WWC1: variants seen among roughly 807,000 people sequenced by gnomAD.
WWC1 encodes the protein protein KIBRA.
In WWC1, 55 loss-of-function variants were observed where a neutral mutation model predicts 138.4. That is an observed-to-expected ratio of 0.40 (90% CI 0.32 to 0.50). The LOEUF (loss-of-function observed/expected upper bound fraction) is 0.50. Among genes scored for constraint, WWC1 ranks in the 20% least tolerant of loss-of-function variants. The probability of loss-of-function intolerance (pLI) is 0.72; values close to 1 mark genes in which losing one functional copy is unlikely to be tolerated. For synonymous variants in WWC1, 524 were observed against 564.9 expected (o/e 0.93, Z 1.03); for missense variants, 1,226 against 1,420.4 (o/e 0.86, Z 2.20).
rs1371053531 is a variant in WWC1 at position 168,292,066 on chromosome 5, G to A, written c.-87G>A. 1 of 1,374,574 alleles carries A rather than the reference G, an allele frequency of 7.3e-7. No homozygotes were observed. The highest frequency in any genetic ancestry group is 9.4e-7 in the Non-Finnish European group (1 of 1,067,260). 85.1% of individuals were successfully genotyped at this position (1,374,574 alleles called of 1,614,324 possible). A position where few individuals can be genotyped will look rare whatever the true frequency, so the allele number is the denominator to read the frequency against. ...CCCGGATCATGGTGCCTCGGCGGCC[G>A]CCCGGGCTAAGAGCGGCCGGCTGGA... is the stretch of plus-strand genomic sequence containing the variant. On this transcript the variant is annotated 5_prime_UTR_variant, in exon 1 of 23. Transcript: ENST00000265293. This position sits in a 1 kb window ranked among gnomAD's most constrained non-coding sequence, Gnocchi z 4.4.
rs553790278 is a variant in WWC1, at chr5:168,303,486, A to G, written c.119+11215A>G. ...GAGCTGGGCATGGTGGTCCACACCT[A>G]TAGTCCCAACTACACCAGAGGCTAA... On this transcript the variant is annotated intron_variant, in intron 1 of 22. Coordinates refer to ENST00000265293, the MANE Select transcript of WWC1 (RefSeq NM_015238.3). 2.0e-5 allele frequency among the ~76,000 whole-genome samples: 3 copies of G among 152,188 alleles called. No homozygotes were observed. In the South Asian group the frequency reaches 6.2e-4, roughly 32 times the overall value.
intron 1 of WWC1, among the ~76,000 whole-genome samples, chr5:168,335,475 A>G (rs1320147301): frequency 6.7e-6 from 1 of 149,022 alleles, no homozygotes; most frequent in Non-Finnish European, 1.5e-5. Context: ...AAGAAAGAAC[A>G]TCTAGAATTT....
intron 20 of WWC1, 21 bp from the exon 21 acceptor site, chr5:168,464,708 A>C (rs367635097): frequency 1.2e-6 from 2 of 1,613,852 alleles, no homozygotes; most frequent in Non-Finnish European, 1.7e-6. Context: ...ATAACAAGAG[A>C]AGCCGTCCCC....
chr5:168,293,099 G>C (rs1769213161), intron 1 of WWC1, among the ~76,000 whole-genome samples: 1 of 152,238 alleles, frequency 6.6e-6, no homozygotes, highest in Admixed American at 6.5e-5. Context: ...GCTGTAGGTT[G>C]AGATAATGTG....
chr5:168,397,134 A>G (rs1778962719), intron 3 of WWC1, among the ~76,000 whole-genome samples: 1 of 151,886 alleles, frequency 6.6e-6, no homozygotes, highest in African/African-American at 2.4e-5. Context: ...ATATTTTCCA[A>G]ATTTAAATTA....
At chr5:168,400,842 A>G (rs1459355599) in intron 5 of WWC1, among the ~76,000 whole-genome samples, 2 of 119,110 alleles carry the variant, frequency 1.7e-5, no homozygotes, top group African/African-American at 6.6e-5. Flanking sequence ...GAGAGAGAGA[A>G]GGGGAGGGGA....
At position 168,431,461 on chromosome 5, in the gene WWC1, G is replaced by T. The variant is rs1210143204; in HGVS notation, c.2280+17G>T. ...GAGTGCCTGGTAAGGGCCGTGTCTG[G>T]CTGGCTGGCTGGCTGGCTGGCTGGC... On this transcript the variant is annotated intron_variant, in intron 15 of 22. Coordinates refer to ENST00000265293, the MANE Select transcript of WWC1 (RefSeq NM_015238.3). The T allele has an allele frequency of 1.3e-4, 3 of 22,494 alleles. No individual in the cohort carries two copies. The highest frequency in any genetic ancestry group is 1.5e-4 in the Non-Finnish European group (3 of 19,942). The allele number at this position is 22,494 out of a possible 1,614,324, so 1.4% of individuals were successfully genotyped here.
chr5:168,388,151 G>C (rs1418488232), intron 3 of WWC1, among the ~76,000 whole-genome samples: 1 of 152,138 alleles, frequency 6.6e-6, no homozygotes, highest in Non-Finnish European at 1.5e-5. Flanking sequence ...ATGAGACCAG[G>C]TGATATCAAT....
At chr5:168,422,784 G>A in intron 10 of WWC1, among the ~76,000 whole-genome samples, 1 of 152,144 alleles carries the variant, frequency 6.6e-6, no homozygotes, top group East Asian at 1.9e-4. Flanking sequence ...TGTAGTAAGT[G>A]ATACTGCTTT....
chr5:168,397,099 A>C (rs1263001246), intron 3 of WWC1, among the ~76,000 whole-genome samples: 2 of 151,872 alleles, frequency 1.3e-5, no homozygotes, highest in Admixed American at 6.6e-5. Context: ...CTTAAAATGC[A>C]TATGTGTGTG....
rs1328323778 is a variant in WWC1, at chr5:168,442,403, G to A, written c.2433+569G>A. Reference sequence around the variant, plus strand: ...GGATCTCTTGAGGCCAGGAATTCAAGACAAGCCTGGGCAACATGGTGAGGC... The same window carrying A: ...GGATCTCTTGAGGCCAGGAATTCAAAACAAGCCTGGGCAACATGGTGAGGC... On this transcript the variant is annotated intron_variant, in intron 16 of 22. Transcript: ENST00000265293. 7.2e-5 allele frequency among the ~76,000 whole-genome samples: 8 copies of A among 111,452 alleles called. No homozygotes were observed. In the Admixed American group the frequency reaches 9.8e-4, roughly 14 times the overall value. 73.1% of individuals were successfully genotyped at this position (111,452 alleles called of 152,430 possible). A position where few individuals can be genotyped will look rare whatever the true frequency, so the allele number is the denominator to read the frequency against.
At chr5:168,455,219 T>C (rs769609119) in intron 18 of WWC1, 137 bp from the exon 19 acceptor site, 59 of 1,123,390 alleles carry the variant, frequency 5.3e-5, no homozygotes, top group East Asian at 1.0e-4. Flanking sequence ...CTAGCAGGGC[T>C]AATGCCAAGG....
Position 168,408,552 on chromosome 5 carries a change from C to T in WWC1, c.766C>T (p.His256Tyr). Residue 256 changes from histidine to tyrosine, a missense_variant, in exon 7 of 23, where the codon CAC becomes TAC. Around this residue, in one of 3 missense-constraint regions of WWC1, gnomAD observed 1,016 missense variants for 1,153.9 expected, o/e 0.88. Coordinates refer to ENST00000265293, the MANE Select transcript of WWC1 (RefSeq NM_015238.3). ...KDGFRTDRGSHSDLWSSSSSL... is the reference protein window; with the variant it reads ...KDGFRTDRGSYSDLWSSSSSL... ...CGGCTTCCGCACTGACAGGGGGTCTCACTCAGACCTGTGGTCCAGCAGCAG... is the reference window on the plus strand; with the variant it reads ...CGGCTTCCGCACTGACAGGGGGTCTTACTCAGACCTGTGGTCCAGCAGCAG... 2 of 1,614,216 alleles carry T rather than the reference C, an allele frequency of 1.2e-6. No individual in the cohort carries two copies. The highest frequency in any genetic ancestry group is 1.7e-6 in the Non-Finnish European group (2 of 1,180,036).
chr5:168,409,464 C>G (rs1780059168), intron 7 of WWC1, among the ~76,000 whole-genome samples: 1 of 152,196 alleles, frequency 6.6e-6, no homozygotes, highest in South Asian at 2.1e-4. Flanking sequence ...GAACTGTACC[C>G]CTCTTTGTGA....
At chr5:168,359,020 T>G (rs6555803) in intron 1 of WWC1, among the ~76,000 whole-genome samples, 113,847 of 150,822 alleles carry the variant, frequency 0.75, 43,178 homozygotes, top group East Asian at 0.89. Flanking sequence ...TTTGTTGTTG[T>G]TGGTGGTGGT....
At chr5:168,356,027 C>G (rs546524973) in intron 1 of WWC1, among the ~76,000 whole-genome samples, 1 of 152,106 alleles carries the variant, frequency 6.6e-6, no homozygotes, top group East Asian at 1.9e-4. Context: ...CTGGAAAGCC[C>G]CAGGTGAAGG....
At chr5:168,349,746 A>C (rs1774783456) in intron 1 of WWC1, among the ~76,000 whole-genome samples, 1 of 152,004 alleles carries the variant, frequency 6.6e-6, no homozygotes, top group South Asian at 2.1e-4. Context: ...TGGGGCTGGG[A>C]GTGGGGTTGG....
chr5:168,402,204 G>A (rs2152833297), intron 5 of WWC1, among the ~76,000 whole-genome samples: 1 of 152,270 alleles, frequency 6.6e-6, no homozygotes, highest in Non-Finnish European at 1.5e-5. Context: ...AAGACTCCAT[G>A]GCAGCTCCAG....
intron 3 of WWC1, among the ~76,000 whole-genome samples, chr5:168,390,772 G>T (rs11738934): frequency 2.8e-4 from 42 of 152,144 alleles, no homozygotes; most frequent in Admixed American, 4.6e-4. Flanking sequence ...TGCCTTGGGG[G>T]TGGAGACTTT....
Sources: gnomAD v4.1 joint callset for allele counts (sites outside exome capture counted in the v4.1 genomes callset) on GRCh38, gnomAD v4.1.1 for gene constraint, gnomAD v4.1.1 regional missense constraint, Gnocchi (gnomAD v3.1) non-coding constraint, MANE v1.5 for transcripts, NCBI Gene and HGNC (gene_info 2026-07-23, HGNC 2026-07-21) for gene names.